NDST4: variants seen among roughly 807,000 people sequenced by gnomAD.
NDST4 encodes the protein N-heparan sulfate sulfotransferase 4.
A neutral mutation model predicts 100.8 loss-of-function variants in NDST4; 63 were observed. That is an observed-to-expected ratio of 0.62 (90% CI 0.51 to 0.77). NDST4 has a LOEUF of 0.77. Ranked by LOEUF, NDST4 falls within the 30% of genes least tolerant of loss-of-function variation. The pLI, the probability that NDST4 is intolerant of heterozygous loss-of-function variation, is 0.00. For synonymous variants in NDST4, 377 were observed against 361.8 expected, an observed-to-expected ratio of 1.04 and a Z score of -0.48; for missense variants, 943 against 1,018.4, an observed-to-expected ratio of 0.93 and a Z score of 1.01.
At chr4:114,982,080 G>T (rs987396282) in intron 2 of NDST4, among the ~76,000 whole-genome samples, 2 of 152,116 alleles carry the variant, frequency 1.3e-5, no homozygotes, top group East Asian at 1.9e-4. Context: ...CTTTATAAAT[G>T]ATCCAGTCTC....
At chr4:115,094,658 G>A (rs1388201907) in intron 1 of NDST4, among the ~76,000 whole-genome samples, 5 of 152,248 alleles carry the variant, frequency 3.3e-5, no homozygotes, top group African/African-American at 9.6e-5. Flanking sequence ...TTTGGAAATA[G>A]GATTGTTGCA....
chr4:115,032,758 A>T (rs1424103712), intron 2 of NDST4, among the ~76,000 whole-genome samples: 2 of 152,034 alleles, frequency 1.3e-5, no homozygotes, highest in African/African-American at 4.8e-5. Flanking sequence ...GGTAGGTAAT[A>T]GTTGTTGCTG....
rs148036499 is a variant in NDST4, at chr4:114,874,513, C to T, written c.1537-3563G>A. 5.9e-4 allele frequency among the ~76,000 whole-genome samples: 90 copies of T among 152,314 alleles called. No homozygotes were observed. In the East Asian group the frequency reaches 0.017, roughly 28 times the overall value. ...ACTGTTGTATGGGGCAACATGTGCA[C>T]ATGCCTTACTGGTTAGAAACAAATT... On this transcript the variant is annotated intron_variant, in intron 6 of 13. Transcript: ENST00000264363.
chr4:114,867,665 C>CTAAA (rs1724061211), intron 7 of NDST4, among the ~76,000 whole-genome samples: 1 of 79,900 alleles, frequency 1.3e-5, no homozygotes, highest in Non-Finnish European at 2.3e-5. Flanking sequence ...AAAAAAAAAG[C>CTAAA]AAAAAAAAAA....
intron 7 of NDST4, among the ~76,000 whole-genome samples, chr4:114,867,664 G>GAAAAAAAAAAAAAAAAAAAAAA (rs1491405935): frequency 7.7e-5 from 2 of 26,084 alleles, no homozygotes; most frequent in South Asian, 1.5e-3. Flanking sequence ...AAAAAAAAAA[G>GAAAAAAAAAAAAAAAAAAAAAA]CAAAAAAAAA....
In NDST4 at chr4:115,042,650, T is replaced by G. The variant is rs10008694; in HGVS notation, c.978+33409A>C. Reference sequence around the variant, plus strand: ...TGTATAGGAAAAAGTGTAGTATATATAGAGAGAGTTCAGTACTATCCAAGG... The same window carrying G: ...TGTATAGGAAAAAGTGTAGTATATAGAGAGAGAGTTCAGTACTATCCAAGG... On this transcript the variant is annotated intron_variant, in intron 2 of 13. Transcript: ENST00000264363. Among the ~76,000 whole-genome samples, 438 of 152,148 alleles carry G rather than the reference T, an allele frequency of 2.9e-3. 4 individuals carry two copies. The highest frequency in any genetic ancestry group is 0.01 in the African/African-American group (427 of 41,522).
intron 2 of NDST4, among the ~76,000 whole-genome samples, chr4:115,028,759 C>T (rs888668243): frequency 6.6e-6 from 1 of 152,072 alleles, no homozygotes; most frequent in Non-Finnish European, 1.5e-5. Context: ...AGCAAGAACA[C>T]TTTTATTATA....
At chr4:114,829,758 C>T in intron 13 of NDST4, 32 bp downstream of exon 13, 1 of 1,510,392 alleles carries the variant, frequency 6.6e-7, no homozygotes, top group Non-Finnish European at 9.0e-7. Flanking sequence ...AATATTTTTG[C>T]TAGAGTAATT....
intron 7 of NDST4, among the ~76,000 whole-genome samples, chr4:114,866,902 CA>C (rs1367143573): frequency 1.3e-5 from 2 of 152,128 alleles, no homozygotes; most frequent in African/African-American, 4.8e-5. Context: ...AACATACTGT[CA>C]GATCCTTCTA....
intron 2 of NDST4, among the ~76,000 whole-genome samples, chr4:115,034,574 C>G (rs908632241): frequency 6.6e-6 from 1 of 152,028 alleles, no homozygotes; most frequent in Non-Finnish European, 1.5e-5. Flanking sequence ...AATCAAAATT[C>G]TATTGCTTTA....
chr4:115,081,356 A>C (rs943145820), intron 1 of NDST4, among the ~76,000 whole-genome samples: 3 of 152,108 alleles, frequency 2.0e-5, no homozygotes, highest in African/African-American at 7.2e-5. Flanking sequence ...AACTTGATAT[A>C]CCATAAGTGT....
chr4:115,070,668 T>C (rs191085025), intron 2 of NDST4, among the ~76,000 whole-genome samples: 14 of 152,302 alleles, frequency 9.2e-5, no homozygotes, highest in Admixed American at 7.8e-4. Context: ...CATTGATTTT[T>C]ATCTCAGTAG....
intron 2 of NDST4, among the ~76,000 whole-genome samples, chr4:115,001,046 C>A (rs1359440258): frequency 1.3e-5 from 2 of 152,102 alleles, no homozygotes; most frequent in Non-Finnish European, 2.9e-5. Flanking sequence ...CTCTTCATCT[C>A]CCTCAAAGAC....
chr4:115,001,546 T>C (rs1578443632), intron 2 of NDST4, among the ~76,000 whole-genome samples: 1 of 151,776 alleles, frequency 6.6e-6, no homozygotes, highest in Non-Finnish European at 1.5e-5. Flanking sequence ...GATACCAGAG[T>C]AGAATTCTGT....
intron 2 of NDST4, among the ~76,000 whole-genome samples, chr4:115,057,735 GACACACAC>G (rs35061218): frequency 2.3e-4 from 32 of 141,746 alleles, no homozygotes; most frequent in African/African-American, 7.8e-4. Flanking sequence ...CACACACACA[GACACACAC>G]ACACACACAC....
At position 115,038,983 on chromosome 4, in the gene NDST4, G is replaced by GA. The variant is rs33951232; in HGVS notation, c.978+37075dup. Among the ~76,000 whole-genome samples, 61 of 149,372 alleles carry GA rather than the reference G, an allele frequency of 4.1e-4. 1 individual carries two copies. The South Asian group carries it at 5.3e-3, about 13-fold the overall frequency. On this transcript the variant is annotated intron_variant, in intron 2 of 13. Coordinates refer to ENST00000264363, the MANE Select transcript of NDST4 (RefSeq NM_022569.3). ...TGACAGCAAGATACTACCTCAGAAA[G>GA]AAAAAAAAAATTCTCAAAATATGTT...
intron 2 of NDST4, among the ~76,000 whole-genome samples, chr4:115,009,389 C>T (rs1727492024): frequency 7.8e-6 from 1 of 127,988 alleles, no homozygotes; most frequent in East Asian, 2.5e-4. Flanking sequence ...TGCATATCTA[C>T]AACTATCTGA....
intron 2 of NDST4, among the ~76,000 whole-genome samples, chr4:115,042,522 A>G (rs1324507793): frequency 3.9e-5 from 6 of 152,114 alleles, no homozygotes; most frequent in African/African-American, 1.4e-4. Flanking sequence ...CTTATATTAC[A>G]GTATATTTTA....
intron 2 of NDST4, among the ~76,000 whole-genome samples, chr4:114,981,947 T>C (rs1726783058): frequency 6.6e-6 from 1 of 152,128 alleles, no homozygotes; most frequent in South Asian, 2.1e-4. Flanking sequence ...TCTAAAGGTT[T>C]AGCACCATCT....
Sources: gnomAD v4.1 joint callset for allele counts (sites outside exome capture counted in the v4.1 genomes callset) on GRCh38, gnomAD v4.1.1 for gene constraint, MANE v1.5 for transcripts, NCBI Gene and HGNC (gene_info 2026-07-23, HGNC 2026-07-21) for gene names.